The following RBFOX3 variants were observed in gnomAD, a reference collection of about 807,000 sequenced individuals.
RBFOX3 encodes RNA binding protein fox-1 homolog 3.
In RBFOX3, 17 loss-of-function variants were observed where a neutral mutation model predicts 48.7. The ratio of observed to expected loss-of-function variants is 0.35; its 90% CI spans 0.24 to 0.52. The LOEUF (loss-of-function observed/expected upper bound fraction) is 0.52. Among genes scored for constraint, RBFOX3 ranks in the 20% least tolerant of loss-of-function variants. RBFOX3 has a pLI of 0.94. For synonymous variants in RBFOX3, 212 were observed against 209.5 expected (o/e 1.01, Z -0.10); for missense variants, 382 against 497.5 (o/e 0.77, Z 2.21).
chr17:79,214,185 C>T lies in RBFOX3; in HGVS notation c.-34+21581G>A, dbSNP rs994605967. Among the ~76,000 whole-genome samples, 2 of 152,170 alleles carry T rather than the reference C, an allele frequency of 1.3e-5. No homozygotes were observed. The highest frequency in any genetic ancestry group is 2.9e-5 in the Non-Finnish European group (2 of 68,028). On this transcript the variant is annotated intron_variant, in intron 4 of 14. Transcript: ENST00000693108. This position sits in a 1 kb window ranked among gnomAD's most constrained non-coding sequence, Gnocchi z 4.7. ...TGCCCCTCACCAGAGCTTTGCCACC[C>T]GTGGGTATTAGGACCCTGATAAAGT...
chr17:79,637,297 A>C, the RBFOX3 span, among the ~76,000 whole-genome samples: 303 of 152,314 alleles, frequency 2.0e-3, 1 homozygote, highest in African/African-American at 7.0e-3. Context: ...AGTATAGACC[A>C]AAAGAACCTA....
chr17:79,150,890 T>A lies in RBFOX3; in HGVS notation c.-33-35142A>T, dbSNP rs144836623. Among the ~76,000 whole-genome samples, 692 of 152,286 alleles carry A rather than the reference T, an allele frequency of 4.5e-3. 2 individuals are homozygous for A. Among genetic ancestry groups the A allele is most frequent in the Non-Finnish European group, 8.1e-3 (553 of 68,012 alleles). On this transcript the variant is annotated intron_variant, in intron 4 of 14. Transcript: ENST00000693108. Reference sequence around the variant, plus strand: ...TGTGCGCAATGGGAGGACGAGGGCTTGCTCATGCCTAGCGCCGCCTGCGAG... The same window carrying A: ...TGTGCGCAATGGGAGGACGAGGGCTAGCTCATGCCTAGCGCCGCCTGCGAG...
chr17:79,536,011 A>C (rs2088669755), intron 1 of RBFOX3, among the ~76,000 whole-genome samples: 1 of 151,466 alleles, frequency 6.6e-6, no homozygotes. Flanking sequence ...CCCTCTCCCC[A>C]CTTTCATTCC....
chr17:79,641,795 C>A, the RBFOX3 span, among the ~76,000 whole-genome samples: 1 of 152,034 alleles, frequency 6.6e-6, no homozygotes, highest in Non-Finnish European at 1.5e-5. Context: ...GTTTTAACAC[C>A]ATCTCCCTTG....
intron 2 of RBFOX3, among the ~76,000 whole-genome samples, chr17:79,367,009 G>A (rs539694533): frequency 1.3e-5 from 2 of 152,276 alleles, no homozygotes; most frequent in Admixed American, 1.3e-4. Context: ...TCAAGGTGGG[G>A]CAGCTCCAGA....
chr17:79,131,120 CGT>C (rs2038773690), intron 4 of RBFOX3, among the ~76,000 whole-genome samples: 2 of 151,470 alleles, frequency 1.3e-5, no homozygotes, highest in South Asian at 4.2e-4. Context: ...ATGTGCGCCC[CGT>C]GTGTGCTGTG....
upstream of RBFOX3, among the ~76,000 whole-genome samples, chr17:79,613,305 G>A (rs937368049): frequency 6.6e-3 from 1,009 of 152,314 alleles, 16 homozygotes; most frequent in East Asian, 0.057. Context: ...CAGGGCCTGC[G>A]CGTGAGGACA....
intron 3 of RBFOX3, among the ~76,000 whole-genome samples, chr17:79,239,161 C>T (rs1393862968): frequency 1.3e-5 from 2 of 152,178 alleles, no homozygotes; most frequent in Non-Finnish European, 2.9e-5. Flanking sequence ...ATGTCGGCTC[C>T]CCCTCCTCTT....
At chr17:79,659,139 G>C in the RBFOX3 span, among the ~76,000 whole-genome samples, 1 of 152,116 alleles carries the variant, frequency 6.6e-6, no homozygotes, top group Non-Finnish European at 1.5e-5. Context: ...TGTGGACCAC[G>C]CGGGGGCCCG....
rs148759486 is a variant in RBFOX3 at position 79,429,716 on chromosome 17, C to T, written c.-175+52738G>A. 3.0e-3 allele frequency among the ~76,000 whole-genome samples: 461 copies of T among 152,230 alleles called. 3 individuals carry two copies. The highest frequency in any genetic ancestry group is 9.6e-3 in the African/African-American group (400 of 41,538). ...GAGCTCCATTTTACAGAAGACAAAA[C>T]CGAGGCCATGGGAATCAATGACTCG... On this transcript the variant is annotated intron_variant, in intron 2 of 14. Coordinates refer to ENST00000693108, the MANE Select transcript of RBFOX3 (RefSeq NM_001350451.2).
chr17:79,510,539 T>C (rs2083979166), intron 1 of RBFOX3, among the ~76,000 whole-genome samples: 1 of 152,184 alleles, frequency 6.6e-6, no homozygotes, highest in Non-Finnish European at 1.5e-5. Context: ...ATCCCAGGCA[T>C]CCATTAACAT....
chr17:79,575,204 A>G (rs1201805407), intron 1 of RBFOX3, among the ~76,000 whole-genome samples: 11 of 152,216 alleles, frequency 7.2e-5, no homozygotes, highest in Admixed American at 6.5e-4. Flanking sequence ...CCCAGCAATT[A>G]GTTATGAATT....
At chr17:79,304,994 C>T (rs73411890) in intron 3 of RBFOX3, among the ~76,000 whole-genome samples, 23,016 of 152,244 alleles carry the variant, frequency 0.15, 1,867 homozygotes, top group Non-Finnish European at 0.18. Flanking sequence ...TTTCCATGGA[C>T]GCTATCCTGA....
the RBFOX3 span, among the ~76,000 whole-genome samples, chr17:79,623,221 G>A: frequency 6.6e-6 from 1 of 152,176 alleles, no homozygotes; most frequent in Non-Finnish European, 1.5e-5. Flanking sequence ...CAAGGTATGG[G>A]GTCAAGGCTG....
At chr17:79,194,821 A>G (rs1287861481) in intron 4 of RBFOX3, among the ~76,000 whole-genome samples, 1 of 151,966 alleles carries the variant, frequency 6.6e-6, no homozygotes. Flanking sequence ...CCATAAAAAG[A>G]GTGAAAAAAT....
At chr17:79,143,987 G>A (rs1250312170) in intron 4 of RBFOX3, among the ~76,000 whole-genome samples, 2 of 152,238 alleles carry the variant, frequency 1.3e-5, no homozygotes, top group African/African-American at 4.8e-5. Context: ...GGACAGACCT[G>A]CTTGGCCGGT....
intron 4 of RBFOX3, among the ~76,000 whole-genome samples, chr17:79,190,424 A>AAAACAAAC (rs2054249549): frequency 9.1e-6 from 1 of 109,474 alleles, no homozygotes; most frequent in Admixed American, 1.0e-4. Flanking sequence ...CAAAAAAAAA[A>AAAACAAAC]AAAAAAACAA....
intron 3 of RBFOX3, among the ~76,000 whole-genome samples, chr17:79,286,849 C>T (rs541897736): frequency 1.4e-4 from 21 of 152,320 alleles, no homozygotes; most frequent in East Asian, 9.6e-4. Context: ...CTGCTGAGGA[C>T]GCCCTGGTGC....
At chr17:79,486,839 C>T (rs1173343862) in intron 1 of RBFOX3, among the ~76,000 whole-genome samples, 2 of 152,178 alleles carry the variant, frequency 1.3e-5, no homozygotes, top group Non-Finnish European at 2.9e-5. Context: ...TGGCCAGTTT[C>T]CTCTTCGCAG....
Sources: allele counts gnomAD v4.1 joint callset (sites outside exome capture counted in the v4.1 genomes callset), GRCh38; gene constraint gnomAD v4.1.1; non-coding constraint Gnocchi (gnomAD v3.1); transcripts MANE v1.5; gene names NCBI Gene and HGNC (gene_info 2026-07-23, HGNC 2026-07-21).